Variants in DLGAP1 observed in about 807,000 individuals in gnomAD.
DLGAP1 encodes disks large-associated protein 1.
A neutral mutation model predicts 90.8 loss-of-function variants in DLGAP1; 11 were observed. That is an observed-to-expected ratio of 0.12 (90% confidence interval 0.08 to 0.20). The LOEUF (loss-of-function observed/expected upper bound fraction) is 0.20, where lower values mean the gene tolerates loss of function less well. Among genes scored for constraint, DLGAP1 ranks in the 10% least tolerant of loss-of-function variants. The pLI, the probability that DLGAP1 is intolerant of heterozygous loss-of-function variation, is 1.00. For missense variants in DLGAP1, 1,050 were observed against 1,333.8 expected, an observed-to-expected ratio of 0.79 and a Z score of 3.31; for synonymous variants, 558 against 540.7, an observed-to-expected ratio of 1.03 and a Z score of -0.44.
At chr18:3,592,059 T>C (rs2056277014) in intron 7 of DLGAP1, among the ~76,000 whole-genome samples, 1 of 152,120 alleles carries the variant, frequency 6.6e-6, no homozygotes, top group South Asian at 2.1e-4. Flanking sequence ...ATGGTTATGA[T>C]AATGAGTGAA....
At chr18:4,000,180 T>C (rs1032227961) in intron 3 of DLGAP1, among the ~76,000 whole-genome samples, 3 of 152,170 alleles carry the variant, frequency 2.0e-5, no homozygotes, top group Non-Finnish European at 4.4e-5. Context: ...ATCTTCATAT[T>C]ATCTATAATT....
At chr18:3,789,430 G>A (rs1312133623) in intron 5 of DLGAP1, among the ~76,000 whole-genome samples, 1 of 152,186 alleles carries the variant, frequency 6.6e-6, no homozygotes, top group Non-Finnish European at 1.5e-5. Flanking sequence ...GGCCGGGGCC[G>A]AAGAGGTAAG....
chr18:4,189,629 T>C (rs1483963103), intron 1 of DLGAP1, among the ~76,000 whole-genome samples: 1 of 152,040 alleles, frequency 6.6e-6, no homozygotes, highest in Non-Finnish European at 1.5e-5. Context: ...TAAGTTTATA[T>C]GGAAAGACAA....
intron 1 of DLGAP1, among the ~76,000 whole-genome samples, chr18:4,153,438 C>T (rs1405698424): frequency 6.6e-6 from 1 of 152,180 alleles, no homozygotes; most frequent in Non-Finnish European, 1.5e-5. Flanking sequence ...TTCTTGGTGA[C>T]AGCACTGAGA....
chr18:4,192,905 C>T (rs1272047082), intron 1 of DLGAP1, among the ~76,000 whole-genome samples: 1 of 152,146 alleles, frequency 6.6e-6, no homozygotes, highest in African/African-American at 2.4e-5. Flanking sequence ...CAGGAATTAC[C>T]TTCTCATTGA....
intron 5 of DLGAP1, among the ~76,000 whole-genome samples, chr18:3,792,312 C>A (rs1322993055): frequency 6.6e-6 from 1 of 152,054 alleles, no homozygotes; most frequent in Non-Finnish European, 1.5e-5. Flanking sequence ...GAAACCCTGT[C>A]TCTACTAAAA....
In DLGAP1 at chr18:3,499,977, A is replaced by G. The variant is rs2049844247; in HGVS notation, c.2725-583T>C. On this transcript the variant is annotated intron_variant, in intron 12 of 12. Coordinates refer to ENST00000315677, the MANE Select transcript of DLGAP1 (RefSeq NM_004746.4). This position sits in a 1 kb window ranked among gnomAD's most constrained non-coding sequence, Gnocchi z 6.4. ...TACACCAGGTTAGACCCTTTTGCAC[A>G]CCACACACGAACACACAAGCAATAT... Among the ~76,000 whole-genome samples, 1 of 152,216 alleles carries G rather than the reference A, an allele frequency of 6.6e-6. No individual in the cohort carries two copies. Among genetic ancestry groups the G allele is most frequent in the South Asian group, 2.1e-4 (1 of 4,828 alleles).
intron 7 of DLGAP1, among the ~76,000 whole-genome samples, chr18:3,725,310 T>TA (rs1301301546): frequency 6.6e-6 from 1 of 152,192 alleles, no homozygotes; most frequent in Non-Finnish European, 1.5e-5. Context: ...TGCCTTTTGA[T>TA]AGGTCCTAGG....
chr18:3,971,487 A>T (rs1431259640), intron 3 of DLGAP1, among the ~76,000 whole-genome samples: 5 of 152,174 alleles, frequency 3.3e-5, no homozygotes, highest in African/African-American at 7.2e-5. Context: ...TACCTGAAAC[A>T]TGTTTTGTAA....
intron 5 of DLGAP1, among the ~76,000 whole-genome samples, chr18:3,756,312 G>C (rs1158855637): frequency 6.6e-6 from 1 of 152,088 alleles, no homozygotes; most frequent in Non-Finnish European, 1.5e-5. Context: ...GCCTTCCAAA[G>C]TGCTGGGATT....
rs182787785 is a variant in DLGAP1 at position 3,659,712 on chromosome 18, C to T, written c.1591+69423G>A. On this transcript the variant is annotated intron_variant, in intron 7 of 12. Transcript: ENST00000315677. ...TCCCGAGTAGCTGGGACTACAGGCA[C>T]GCCTGACCACACCCAGCTAAGTTTC... Among the ~76,000 whole-genome samples the T allele has an allele frequency of 1.7e-3, 264 of 152,148 alleles. 4 individuals carry two copies. Among genetic ancestry groups the T allele is most frequent in the East Asian group, 1.2e-3 (6 of 5,174 alleles).
intron 8 of DLGAP1, among the ~76,000 whole-genome samples, chr18:3,573,826 C>T (rs1208781438): frequency 1.3e-5 from 2 of 152,144 alleles, no homozygotes; most frequent in African/African-American, 4.8e-5. Flanking sequence ...CTCAGCCTCC[C>T]AAGTAGCTGG....
chr18:4,259,601 G>A (rs1386491436), intron 1 of DLGAP1, among the ~76,000 whole-genome samples: 1 of 152,172 alleles, frequency 6.6e-6, no homozygotes, highest in African/African-American at 2.4e-5. Flanking sequence ...GTGATCTCTA[G>A]AGATAAACCA....
rs892824142 is a variant in DLGAP1 at position 3,708,706 on chromosome 18, A to G, written c.1591+20429T>C. Among the ~76,000 whole-genome samples, 4 of 152,232 alleles carry G rather than the reference A, an allele frequency of 2.6e-5. 1 individual carries two copies. Among genetic ancestry groups the G allele is most frequent in the East Asian group, 3.8e-4 (2 of 5,200 alleles). ...ATCGTAAGTAAGCTAAAGCTTGGAA[A>G]TGGTAATGAAGGAAAAGGATACAAA... is the stretch of plus-strand genomic sequence containing the variant. On this transcript the variant is annotated intron_variant, in intron 7 of 12. Transcript: ENST00000315677.
intron 1 of DLGAP1, among the ~76,000 whole-genome samples, chr18:4,351,771 A>G (rs2081407408): frequency 6.6e-6 from 1 of 152,228 alleles, no homozygotes; most frequent in South Asian, 2.1e-4. Context: ...ATCATTAATC[A>G]AAGACATACT....
chr18:3,682,457 T>A (rs1168083521), intron 7 of DLGAP1, among the ~76,000 whole-genome samples: 1 of 152,206 alleles, frequency 6.6e-6, no homozygotes, highest in Non-Finnish European at 1.5e-5. Flanking sequence ...AAGCTCTAGA[T>A]ATAAAGTCTG....
intron 4 of DLGAP1, among the ~76,000 whole-genome samples, chr18:3,873,547 T>C (rs2070880856): frequency 6.6e-6 from 1 of 152,182 alleles, no homozygotes; most frequent in South Asian, 2.1e-4. Context: ...GCATGTAAAG[T>C]AGTTTTAACT....
At chr18:4,118,673 G>A (rs1408048012) in intron 2 of DLGAP1, among the ~76,000 whole-genome samples, 2 of 152,118 alleles carry the variant, frequency 1.3e-5, no homozygotes, top group Non-Finnish European at 2.9e-5. Flanking sequence ...GGGTGGTGGT[G>A]GGAAGAGTCT....
At chr18:4,286,526 CAGA>C (rs10537395) in intron 1 of DLGAP1, among the ~76,000 whole-genome samples, 6,998 of 152,118 alleles carry the variant, frequency 0.046, 224 homozygotes, top group African/African-American at 0.084. Flanking sequence ...AATTTCAGAG[CAGA>C]AGGAGTACAG....
Sources: gnomAD v4.1 joint callset for allele counts (sites outside exome capture counted in the v4.1 genomes callset) on GRCh38, gnomAD v4.1.1 for gene constraint, Gnocchi (gnomAD v3.1) non-coding constraint, MANE v1.5 for transcripts, NCBI Gene and HGNC (gene_info 2026-07-23, HGNC 2026-07-21) for gene names.